HMGCLL1: variants seen among roughly 807,000 people sequenced by gnomAD.
The protein encoded by HMGCLL1 is 3-hydroxymethyl-3-methylglutaryl-CoA lyase, cytoplasmic.
Under a neutral mutation model 39.1 loss-of-function variants are expected in HMGCLL1, and 36 were observed. The ratio of observed to expected loss-of-function variants is 0.92; its 90% CI spans 0.71 to 1.22. The LOEUF (loss-of-function observed/expected upper bound fraction) is 1.22, where lower values mean the gene tolerates loss of function less well. Among genes scored for constraint, HMGCLL1 ranks in the 50% most tolerant of loss-of-function variants. The pLI is 0.00. For missense variants in HMGCLL1, 451 were observed against 416.5 expected, an observed-to-expected ratio of 1.08 and a Z score of -0.72; for synonymous variants, 149 against 144.0, an observed-to-expected ratio of 1.03 and a Z score of -0.25.
the HMGCLL1 span, among the ~76,000 whole-genome samples, chr6:55,622,620 T>A: frequency 2.3e-4 from 35 of 152,238 alleles, no homozygotes; most frequent in Middle Eastern, 3.4e-3. Context: ...CATTAAGTCA[T>A]GATGAGTGGT....
At chr6:55,560,796 T>C (rs1581950764) in intron 1 of HMGCLL1, among the ~76,000 whole-genome samples, 1 of 152,264 alleles carries the variant, frequency 6.6e-6, no homozygotes, top group Non-Finnish European at 1.5e-5. Flanking sequence ...AACACCATTA[T>C]TTCCTCACAA....
the HMGCLL1 span, among the ~76,000 whole-genome samples, chr6:55,586,084 A>G: frequency 6.6e-5 from 10 of 152,126 alleles, no homozygotes; most frequent in African/African-American, 2.4e-4. Flanking sequence ...TGTGGAGGGT[A>G]ATGCTAAACA....
At chr6:55,670,852 T>A in the HMGCLL1 span, among the ~76,000 whole-genome samples, 3 of 151,916 alleles carry the variant, frequency 2.0e-5, no homozygotes, top group East Asian at 5.8e-4. Flanking sequence ...GCATTATATG[T>A]AAATAATCTA....
At chr6:55,459,824 C>A (rs184585726) in intron 7 of HMGCLL1, among the ~76,000 whole-genome samples, 2,223 of 151,034 alleles carry the variant, frequency 0.015, 32 homozygotes, top group Non-Finnish European at 0.025. Flanking sequence ...AATATATATA[C>A]AGATAAATAT....
At chr6:55,535,748 T>G (rs1768981531) in intron 3 of HMGCLL1, among the ~76,000 whole-genome samples, 1 of 152,170 alleles carries the variant, frequency 6.6e-6, no homozygotes, top group Non-Finnish European at 1.5e-5. Context: ...CTCATCTGGA[T>G]AATAATGGAT....
At chr6:55,468,535 G>A (rs769827870) in intron 7 of HMGCLL1, among the ~76,000 whole-genome samples, 6 of 151,904 alleles carry the variant, frequency 3.9e-5, no homozygotes, top group Non-Finnish European at 8.8e-5. Flanking sequence ...CTGATATGGA[G>A]ATTAGATTGA....
At chr6:55,622,808 G>GT in the HMGCLL1 span, among the ~76,000 whole-genome samples, 6 of 151,878 alleles carry the variant, frequency 4.0e-5, no homozygotes, top group Admixed American at 3.3e-4. Flanking sequence ...CTCTTCCCCT[G>GT]TTTTTTGTAG....
the HMGCLL1 span, among the ~76,000 whole-genome samples, chr6:55,672,172 G>A: frequency 6.6e-6 from 1 of 151,598 alleles, no homozygotes; most frequent in East Asian, 1.9e-4. Flanking sequence ...TTTTTAATCT[G>A]TATAGTTTCA....
chr6:55,523,329 C>T (rs982310067), intron 3 of HMGCLL1, among the ~76,000 whole-genome samples: 2 of 151,924 alleles, frequency 1.3e-5, no homozygotes, highest in African/African-American at 4.8e-5. Context: ...TCATGATATT[C>T]GGGAAGGACA....
At chr6:55,657,334 G>A in the HMGCLL1 span, among the ~76,000 whole-genome samples, 1 of 151,872 alleles carries the variant, frequency 6.6e-6, no homozygotes. Context: ...ATAGTTTTGA[G>A]TTTTACATTT....
the HMGCLL1 span, among the ~76,000 whole-genome samples, chr6:55,631,407 A>G: frequency 6.6e-6 from 1 of 152,016 alleles, no homozygotes; most frequent in African/African-American, 2.4e-5. Flanking sequence ...AATTATTTGT[A>G]TCATTATAAC....
chr6:55,563,023 T>C (rs1771028717), intron 1 of HMGCLL1, among the ~76,000 whole-genome samples: 2 of 152,026 alleles, frequency 1.3e-5, no homozygotes, highest in Admixed American at 1.3e-4. Context: ...CCTACATACA[T>C]AAAGACACAT....
At chr6:55,520,912 T>C (rs568842958) in intron 3 of HMGCLL1, among the ~76,000 whole-genome samples, 2 of 152,108 alleles carry the variant, frequency 1.3e-5, no homozygotes, top group East Asian at 3.9e-4. Context: ...TGGTTAAGAA[T>C]TGTTTTAAGC....
At chr6:55,596,095 G>A in the HMGCLL1 span, among the ~76,000 whole-genome samples, 4 of 152,142 alleles carry the variant, frequency 2.6e-5, no homozygotes, top group Non-Finnish European at 5.9e-5. Context: ...GAGGCCAAGA[G>A]GGGTGGATCA....
intron 3 of HMGCLL1, among the ~76,000 whole-genome samples, chr6:55,530,201 T>C (rs576401377): frequency 1.3e-5 from 2 of 152,192 alleles, no homozygotes; most frequent in African/African-American, 4.8e-5. Context: ...TATAAATAGA[T>C]TACACATTAT....
chr6:55,454,236 C>T (rs558382624), intron 7 of HMGCLL1, among the ~76,000 whole-genome samples: 6 of 152,104 alleles, frequency 3.9e-5, no homozygotes, highest in South Asian at 2.1e-4. Context: ...AGAAAGAGCA[C>T]GAGGCTTCCC....
chr6:55,479,184 A>G (rs564631560), intron 7 of HMGCLL1, among the ~76,000 whole-genome samples: 1 of 151,614 alleles, frequency 6.6e-6, no homozygotes, highest in East Asian at 1.9e-4. Context: ...TCATACAAGG[A>G]CCATTTACCA....
chr6:55,650,090 CATATATATATATATATATATATAT>C, the HMGCLL1 span, among the ~76,000 whole-genome samples: 43 of 52,300 alleles, frequency 8.2e-4, 3 homozygotes, highest in Non-Finnish European at 7.9e-4. Flanking sequence ...CACACATATA[CATATATATATATATATATATATAT>C]ATATATATAT....
intron 3 of HMGCLL1, among the ~76,000 whole-genome samples, chr6:55,527,544 C>T (rs1422979125): frequency 2.0e-5 from 3 of 151,888 alleles, no homozygotes; most frequent in Admixed American, 6.6e-5. Flanking sequence ...GAACCTAAAG[C>T]GACTGCAATT....
Sources: gnomAD v4.1 joint callset for allele counts (sites outside exome capture counted in the v4.1 genomes callset) on GRCh38, gnomAD v4.1.1 for gene constraint, MANE v1.5 for transcripts, NCBI Gene and HGNC (gene_info 2026-07-23, HGNC 2026-07-21) for gene names.